The following TSC2 variants were observed in gnomAD, a reference collection of about 807,000 sequenced individuals.
TSC2 encodes TSC complex subunit 2.
TSC2 carries 29 observed loss-of-function variants against 202.2 expected under a neutral mutation model. The observed-to-expected ratio is 0.14, with a 90% confidence interval of 0.11 to 0.20. The LOEUF (loss-of-function observed/expected upper bound fraction) is 0.20, where lower values mean the gene tolerates loss of function less well. Ranked by LOEUF, TSC2 falls within the 10% of genes least tolerant of loss-of-function variation. The pLI, the probability that TSC2 is intolerant of heterozygous loss-of-function variation, is 1.00. For missense variants in TSC2, 2,429 were observed against 2,420.0 expected, an observed-to-expected ratio of 1.00 and a Z score of -0.08; for synonymous variants, 1,349 against 1,044.0, an observed-to-expected ratio of 1.29 and a Z score of -5.63.
chr16:2,085,259 C>T lies in TSC2; in HGVS notation c.4599C>T (p.Leu1533=), dbSNP rs768431568. The change falls in exon 36 of 42, where the codon CTC becomes CTT. Residue 1533 remains leucine (L), a synonymous_variant. Coordinates refer to ENST00000219476, the MANE Select transcript of TSC2 (RefSeq NM_000548.5). ...ESQSFERSVQ[L]LDQIPSYDTH... is the part of the protein sequence containing the mutation. ...AGTCCTTTGAGCGGTCGGTGCAGCT[C>T]CTCGACCAGATCCCATCATACGACA... The T allele has an allele frequency of 8.7e-6, 14 of 1,612,760 alleles. No homozygotes were observed. The highest frequency in any genetic ancestry group is 1.1e-5 in the Non-Finnish European group (13 of 1,179,956).
At chr16:2,062,038 G>A (rs954600763) in intron 12 of TSC2, 30 bp downstream of exon 12, 1 of 1,613,584 alleles carries the variant, frequency 6.2e-7, no homozygotes, top group African/African-American at 1.3e-5. Flanking sequence ...GGGGCCTTTG[G>A]GCTTTGGCTG....
chr16:2,088,183 A>G (rs1408928841), intron 40 of TSC2, 44 bp downstream of exon 40: 2 of 1,612,892 alleles, frequency 1.2e-6, no homozygotes, highest in Admixed American at 3.3e-5. Flanking sequence ...GGACAGGCCC[A>G]GGTGCCACCT....
chr16:2,072,164 C>A (rs1596346390), intron 19 of TSC2, 77 bp from the exon 20 acceptor site: 4 of 1,604,882 alleles, frequency 2.5e-6, no homozygotes, highest in East Asian at 2.2e-5. Context: ...AGCCACAAAG[C>A]AGAGCCTCAG....
At chr16:2,088,409 C>T in intron 41 of TSC2, 37 bp from the exon 42 acceptor site, 4 of 1,612,650 alleles carry the variant, frequency 2.5e-6, no homozygotes, top group Non-Finnish European at 3.4e-6. Flanking sequence ...GTTGCCACGC[C>T]TCCCAGACTT....
At chr16:2,061,003 G>C (rs577320094) in intron 11 of TSC2, 190 bp downstream of exon 11, 1 of 746,464 alleles carries the variant, frequency 1.3e-6, no homozygotes, top group African/African-American at 1.7e-5. Context: ...TCCAGACGTG[G>C]TGCATCGTTT....
chr16:2,051,417 G>C (rs567739960), intron 3 of TSC2, among the ~76,000 whole-genome samples: 1 of 152,282 alleles, frequency 6.6e-6, no homozygotes, highest in South Asian at 2.1e-4. Context: ...ATCAAGAAAG[G>C]GTTTGTTCCA....
intron 10 of TSC2, 138 bp downstream of exon 10, chr16:2,059,011 T>G: frequency 7.2e-7 from 1 of 1,384,524 alleles, no homozygotes; most frequent in East Asian, 2.5e-5. Context: ...GCTTTGCAGC[T>G]GGGGGTGAGG....
rs563025849 is a variant in TSC2 at position 2,054,930 on chromosome 16, C to G, written c.482-472C>G. 6.1e-5 allele frequency: 20 copies of G among 326,898 alleles called. No individual in the cohort carries two copies. The East Asian group carries it at 1.4e-3, about 23-fold the overall frequency. 20.2% of individuals were successfully genotyped at this position (326,898 alleles called of 1,614,324 possible). On this transcript the variant is annotated intron_variant, in intron 5 of 41. Transcript: ENST00000219476. Reference sequence around the variant, plus strand: ...TGACTCTGGCTTTGCTGTTCTGTCGCCCAGAAAAGGGCCTCAGTGGCTGGG... The same window carrying G: ...TGACTCTGGCTTTGCTGTTCTGTCGGCCAGAAAAGGGCCTCAGTGGCTGGG...
rs201670791 is a variant in TSC2, at chr16:2,079,336, C to G, written c.3192C>G (p.Asn1064Lys). The G allele has an allele frequency of 5.6e-6, 9 of 1,613,026 alleles. No homozygotes were observed. The highest frequency in any genetic ancestry group is 7.6e-6 in the Non-Finnish European group (9 of 1,180,020). ...GGRTKTWLVG[N>K]KLVTVTTSVG... ...GGACCAAAACCTGGCTGGTTGGGAA[C>G]AAGCTTGTCACTGTGACGACAAGCG... Residue 1064 changes from asparagine (N) to lysine (K), a missense_variant, in exon 28 of 42, where the codon AAC becomes AAG. Physicochemically the swap from Asn to Lys is moderately conservative, Grantham distance 94. Transcript: ENST00000219476. The surrounding 1 kb of genome is among the most constrained non-coding windows in gnomAD (Gnocchi z 4.6).
chr16:2,080,026 G>T, intron 29 of TSC2, 139 bp from the exon 30 acceptor site: 2 of 1,186,600 alleles, frequency 1.7e-6, no homozygotes, highest in Non-Finnish European at 2.4e-6. Flanking sequence ...GTGGTGGGCC[G>T]TGCCCCAAGG....
At chr16:2,072,049 C>G (rs1003645747) in intron 19 of TSC2, 115 bp downstream of exon 19, 2 of 1,473,976 alleles carry the variant, frequency 1.4e-6, no homozygotes, top group Admixed American at 2.2e-5. Flanking sequence ...AGCCCTCCCT[C>G]AGAGCTGAGC....
In TSC2 at chr16:2,084,657, G is replaced by A. The variant is rs777529733; in HGVS notation, c.4435G>A (p.Ala1479Thr). Reference sequence around the variant, plus strand: ...CAGGGGCAAGAGAGTAGAGAGGGACGCCTTAAAGAGCAGAGCCACAGCCTC... The same window carrying A: ...CAGGGGCAAGAGAGTAGAGAGGGACACCTTAAAGAGCAGAGCCACAGCCTC... The part of the protein sequence containing the change: ...SRRGKRVERD[A>T]LKSRATASNA... Residue 1479 changes from alanine (A) to threonine (T), a missense_variant, in exon 34 of 42, where the codon GCC becomes ACC. Ala to Thr is a moderately conservative substitution (Grantham distance 58). Transcript: ENST00000219476. 11 of 1,599,040 alleles carry A rather than the reference G, an allele frequency of 6.9e-6. No homozygotes were observed. Among genetic ancestry groups the A allele is most frequent in the East Asian group, 4.5e-5 (2 of 44,864 alleles).
chr16:2,086,158 A>G (rs1341290022), intron 36 of TSC2, 35 bp from the exon 37 acceptor site: 6 of 1,610,844 alleles, frequency 3.7e-6, no homozygotes, highest in Non-Finnish European at 4.2e-6. Flanking sequence ...CCGGCCCGGG[A>G]GTGATGCCAC....
chr16:2,066,724 G>A (rs11864093), intron 16 of TSC2, among the ~76,000 whole-genome samples: 6,861 of 141,602 alleles, frequency 0.048, 585 homozygotes, highest in African/African-American at 0.17. Context: ...GCAGTGGCGC[G>A]ATCTTGGCTC....
rs1340007069 is a variant in TSC2 at position 2,048,015 on chromosome 16, T to G, written c.-80T>G. The G allele has an allele frequency of 3.4e-6, 5 of 1,464,588 alleles. No homozygotes were observed. The South Asian group carries it at 5.4e-5, about 16-fold the overall frequency. 90.7% of individuals were successfully genotyped at this position (1,464,588 alleles called of 1,614,324 possible). A position where few individuals can be genotyped will look rare whatever the true frequency, so the allele number is the denominator to read the frequency against. ...CGGCGGCGTCCCGGGGCCAGGGGGG[T>G]GCGCCTTTCTCCGCGTCGGGGCGGC... On this transcript the variant is annotated 5_prime_UTR_variant, in exon 1 of 42. Transcript: ENST00000219476.
chr16:2,081,535 G>T (rs1016147875), intron 30 of TSC2, 60 bp from the exon 31 acceptor site: 20 of 1,608,964 alleles, frequency 1.2e-5, no homozygotes, highest in Non-Finnish European at 1.6e-5. Context: ...GCCCCTGGGG[G>T]GCCAGAGATG....
At position 2,060,882 on chromosome 16, in the gene TSC2, A is replaced by G; in HGVS notation, c.1119+69A>G. 3 of 1,586,734 alleles carry G rather than the reference A, an allele frequency of 1.9e-6. No homozygotes were observed. The South Asian group carries it at 3.3e-5, about 18-fold the overall frequency. ...CAGGCAGGCTCGGCCCACTCAGAAG[A>G]TGGTACCTTGGGCCCCATCTCTGGG... On this transcript the variant is annotated intron_variant, in intron 11 of 41. Transcript: ENST00000219476.
At chr16:2,071,303 C>CA (rs2088339070) in intron 17 of TSC2, 3 of 630,566 alleles carry the variant, frequency 4.8e-6, no homozygotes, top group Non-Finnish European at 8.6e-6. Context: ...AGCTCCGAGG[C>CA]AAGGGAGGGA....
chr16:2,069,397 A>T (rs1285177592), intron 16 of TSC2, among the ~76,000 whole-genome samples: 1 of 151,498 alleles, frequency 6.6e-6, no homozygotes, highest in African/African-American at 2.4e-5. Context: ...GTTCACTGCA[A>T]CCTCCGCCTC....
Sources: allele counts gnomAD v4.1 joint callset (sites outside exome capture counted in the v4.1 genomes callset), GRCh38; gene constraint gnomAD v4.1.1; non-coding constraint Gnocchi (gnomAD v3.1); transcripts MANE v1.5; gene names NCBI Gene and HGNC (gene_info 2026-07-23, HGNC 2026-07-21).